The following C2orf78 variants were observed in gnomAD, a reference collection of about 807,000 sequenced individuals.
C2orf78 encodes the protein uncharacterized protein C2orf78.
Under a neutral mutation model 21.4 loss-of-function variants are expected in C2orf78, and 12 were observed. The ratio of observed to expected loss-of-function variants is 0.56; its 90% CI spans 0.36 to 0.91. The LOEUF (loss-of-function observed/expected upper bound fraction) is 0.91. Ranked by LOEUF, C2orf78 falls within the 40% of genes least tolerant of loss-of-function variation. The pLI is 0.01. For missense variants in C2orf78, 1,042 were observed against 1,092.4 expected, an observed-to-expected ratio of 0.95 and a Z score of 0.65; for synonymous variants, 396 against 413.9, an observed-to-expected ratio of 0.96 and a Z score of 0.52.
chr2:73,813,910 G>A (rs557570135), exon 2 of C2orf78: 50 of 1,613,900 alleles, frequency 3.1e-5, no homozygotes, highest in Non-Finnish European at 4.2e-5. Flanking sequence ...TGGTCCCTCT[G>A]TATCCATCAC....
chr2:73,810,424 G>A (rs1340662502), intron 1 of C2orf78, among the ~76,000 whole-genome samples: 4 of 151,442 alleles, frequency 2.6e-5, no homozygotes, highest in Non-Finnish European at 1.5e-5. Flanking sequence ...CTACTTGGGA[G>A]GCTGAGGCAG....
chr2:73,817,107 T>G, exon 3 of C2orf78: 1 of 1,232,140 alleles, frequency 8.1e-7, no homozygotes, highest in Non-Finnish European at 1.1e-6. Flanking sequence ...TGTAATAGAA[T>G]TGATTAATAG....
intron 1 of C2orf78, among the ~76,000 whole-genome samples, chr2:73,808,278 A>T (rs1673000639): frequency 6.6e-6 from 1 of 151,132 alleles, no homozygotes; most frequent in African/African-American, 2.5e-5. Flanking sequence ...AAAATAAAAA[A>T]GCAGCAGTAA....
At chr2:73,785,784 C>A (rs566230362) in intron 1 of C2orf78, among the ~76,000 whole-genome samples, 1 of 152,150 alleles carries the variant, frequency 6.6e-6, no homozygotes, top group Non-Finnish European at 1.5e-5. Flanking sequence ...CGGTGGCTTA[C>A]ACCTGTAATC....
intron 1 of C2orf78, among the ~76,000 whole-genome samples, chr2:73,807,990 T>TC (rs776206272): frequency 6.6e-6 from 1 of 151,056 alleles, no homozygotes; most frequent in Non-Finnish European, 1.5e-5. Flanking sequence ...GTGCGGTGGC[T>TC]CCCGCCTGTA....
chr2:73,813,344 C>T, intron 1 of C2orf78, 133 bp from the exon 2 acceptor site: 1 of 920,158 alleles, frequency 1.1e-6, no homozygotes, highest in East Asian at 2.7e-5. Context: ...AACTGTTTGG[C>T]TTTTGGTATC....
At chr2:73,808,161 G>A (rs957367071) in intron 1 of C2orf78, among the ~76,000 whole-genome samples, 3 of 150,996 alleles carry the variant, frequency 2.0e-5, no homozygotes, top group Non-Finnish European at 2.9e-5. Flanking sequence ...GTCTGAGGCA[G>A]GAGAATGGCG....
At chr2:73,815,292 A>G in exon 3 of C2orf78, 1 of 1,613,918 alleles carries the variant, frequency 6.2e-7, no homozygotes, top group African/African-American at 1.3e-5. Flanking sequence ...CCAGGAAAAA[A>G]ATGAGAATGA....
chr2:73,811,768 T>G lies in C2orf78; in HGVS notation c.98-1709T>G, dbSNP rs548466319. 5.3e-5 allele frequency among the ~76,000 whole-genome samples: 8 copies of G among 152,264 alleles called. No individual in the cohort carries two copies. The East Asian group carries it at 9.6e-4, about 18-fold the overall frequency. On this transcript the variant is annotated intron_variant, in intron 1 of 2. Coordinates refer to ENST00000409561, the Ensembl canonical transcript of C2orf78. ...TCCTGGACGTTGGAGATGATTATAA[T>G]CTAGGTTTTGAGGATAGATATTAAA...
chr2:73,784,250 G>C (rs1480773479), exon 1 of C2orf78: 12 of 1,511,796 alleles, frequency 7.9e-6, no homozygotes, highest in African/African-American at 1.4e-5. Flanking sequence ...CTGTAAATTT[G>C]TATCATCACA....
chr2:73,810,132 C>A (rs545075663), intron 1 of C2orf78, among the ~76,000 whole-genome samples: 5 of 152,044 alleles, frequency 3.3e-5, no homozygotes. Flanking sequence ...AATAGAGTAT[C>A]CCTAGAAAAA....
chr2:73,816,524 A>G, exon 3 of C2orf78: 1 of 1,613,816 alleles, frequency 6.2e-7, no homozygotes, highest in Non-Finnish European at 8.5e-7. Flanking sequence ...CAGTCAATCC[A>G]TCCCGACCAG....
intron 1 of C2orf78, among the ~76,000 whole-genome samples, chr2:73,809,053 A>G (rs906416012): frequency 4.6e-5 from 7 of 152,222 alleles, no homozygotes; most frequent in Non-Finnish European, 8.8e-5. Context: ...TGGCTTTGAC[A>G]TTAACTAGCT....
At chr2:73,807,953 G>C (rs1672990070) in intron 1 of C2orf78, among the ~76,000 whole-genome samples, 1 of 150,952 alleles carries the variant, frequency 6.6e-6, no homozygotes, top group African/African-American at 2.5e-5. Flanking sequence ...CTCTTCCTTT[G>C]GCCCTTAAAA....
chr2:73,814,627 T>C (rs909400514), intron 2 of C2orf78, among the ~76,000 whole-genome samples: 11 of 152,290 alleles, frequency 7.2e-5, no homozygotes, highest in African/African-American at 2.6e-4. Flanking sequence ...TTTAAGACCT[T>C]GTGTTCAGAG....
At chr2:73,807,015 CA>C (rs1396051551) in intron 1 of C2orf78, among the ~76,000 whole-genome samples, 2 of 142,216 alleles carry the variant, frequency 1.4e-5, no homozygotes, top group African/African-American at 2.9e-5. Flanking sequence ...CCCGTCTCTA[CA>C]AAAAAATACA....
chr2:73,785,962 C>T (rs2103967695), intron 1 of C2orf78, among the ~76,000 whole-genome samples: 1 of 152,054 alleles, frequency 6.6e-6, no homozygotes, highest in East Asian at 1.9e-4. Context: ...AGGACAATCA[C>T]TTGAACCCGA....
chr2:73,815,747 G>A, exon 3 of C2orf78: 1 of 1,613,586 alleles, frequency 6.2e-7, no homozygotes, highest in Non-Finnish European at 8.5e-7. Flanking sequence ...AAGCTTCCGA[G>A]CCTATCCAGG....
At position 73,784,657 on chromosome 2, in the gene C2orf78, C is replaced by T. The variant is rs181377302; in HGVS notation, c.97+251C>T. The stretch of plus-strand genomic sequence containing the variant: ...AATAGACTGGTTATTCCCCCTGGCC[C>T]TTTTCTTTTCTAATACTGAGTCTTA... On this transcript the variant is annotated intron_variant, in intron 1 of 2. Transcript: ENST00000409561. Among the ~76,000 whole-genome samples the T allele has an allele frequency of 3.4e-3, 509 of 149,430 alleles. 5 individuals are homozygous for T. The highest frequency in any genetic ancestry group is 0.021 in the Admixed American group (292 of 13,866).
Sources: gnomAD v4.1 joint callset for allele counts (sites outside exome capture counted in the v4.1 genomes callset) on GRCh38, gnomAD v4.1.1 for gene constraint, MANE v1.5 for transcripts, NCBI Gene and HGNC (gene_info 2026-07-23, HGNC 2026-07-21) for gene names.